Variants in AP3B2 observed in about 807,000 individuals in gnomAD.
AP3B2 encodes AP-3 complex subunit beta-2.
AP3B2 carries 50 observed loss-of-function variants against 126.9 expected under a neutral mutation model. The ratio of observed to expected loss-of-function variants is 0.39; its 90% CI spans 0.31 to 0.50. The LOEUF is 0.50. Among genes scored for constraint, AP3B2 ranks in the 20% least tolerant of loss-of-function variants. The probability of loss-of-function intolerance (pLI) is 0.79; values close to 1 mark genes in which losing one functional copy is unlikely to be tolerated. For missense variants in AP3B2, 1,177 were observed against 1,426.4 expected, an observed-to-expected ratio of 0.83 and a Z score of 2.82; for synonymous variants, 541 against 565.0, an observed-to-expected ratio of 0.96 and a Z score of 0.60.
rs2048319922 is a variant in AP3B2 at position 82,680,543 on chromosome 15, G to A, written c.984C>T (p.Tyr328=). 10 of 1,561,210 alleles carry A rather than the reference G, an allele frequency of 6.4e-6. No individual in the cohort carries two copies. Among genetic ancestry groups the A allele is most frequent in the South Asian group, 3.5e-5 (3 of 86,606 alleles). The change falls in exon 8 of 27, where the codon TAC becomes TAT. Residue 328 remains tyrosine (Y), a synonymous_variant. Coordinates refer to ENST00000535359, the MANE Select transcript of AP3B2 (RefSeq NM_001278512.2). This position sits in a 1 kb window ranked among gnomAD's most constrained non-coding sequence, Gnocchi z 6.1. Reference sequence around the variant, plus strand: ...CTTCCGCCTTGGGCGCCAGGTGGAAGTAGAGCTGCGCCACCGCCATCACCA... The same window carrying A: ...CTTCCGCCTTGGGCGCCAGGTGGAAATAGAGCTGCGCCACCGCCATCACCA... ...AAVVMAVAQL[Y]FHLAPKAEVG...
chr15:82,683,127 C>T (rs374833719), intron 4 of AP3B2, among the ~76,000 whole-genome samples: 10 of 128,376 alleles, frequency 7.8e-5, no homozygotes, highest in East Asian at 5.0e-4. Context: ...GGCGAGATCT[C>T]GGGTCACTGC....
Position 82,689,225 on chromosome 15 carries a change from GC to G in AP3B2, c.196del (p.Ala66ProfsTer14), listed in dbSNP as rs1195470234. 6.2e-7 allele frequency: 1 copy of G among 1,614,024 alleles called. No individual in the cohort carries two copies. On this transcript the variant is annotated frameshift_variant, in exon 3 of 27. Coordinates refer to ENST00000535359, the MANE Select transcript of AP3B2 (RefSeq NM_001278512.2). LOFTEE classifies it high-confidence loss of function. ...CAGGTCTGAAGCATTCTTTCCTCGG[GC>G]AATCATCTGGGTGGTGGGGTCAAGG... ...EAMKRIVAMI[A>X]RGKNASDLFP...
chr15:82,662,065 A>G (rs777679289), intron 24 of AP3B2, 103 bp downstream of exon 24: 12 of 1,324,482 alleles, frequency 9.1e-6, no homozygotes, highest in Admixed American at 2.0e-5. Context: ...GACCCACCCA[A>G]TCATGATGTA....
chr15:82,709,282 C>G (rs2151465830), intron 1 of AP3B2, among the ~76,000 whole-genome samples: 1 of 152,258 alleles, frequency 6.6e-6, no homozygotes, highest in Admixed American at 6.5e-5. Flanking sequence ...GGAAGGGAAC[C>G]CCTAACGCAA....
At chr15:82,705,238 C>T (rs1204263864) in intron 1 of AP3B2, among the ~76,000 whole-genome samples, 1 of 152,124 alleles carries the variant, frequency 6.6e-6, no homozygotes, top group African/African-American at 2.4e-5. Context: ...ATGTCAATAT[C>T]CCATCCCCCA....
At chr15:82,694,469 T>C (rs1292432189) in intron 1 of AP3B2, among the ~76,000 whole-genome samples, 1 of 151,998 alleles carries the variant, frequency 6.6e-6, no homozygotes, top group Non-Finnish European at 1.5e-5. Context: ...AAGGATTGCT[T>C]GAGCTCAGGA....
intron 14 of AP3B2, among the ~76,000 whole-genome samples, chr15:82,668,559 C>T (rs1045023403): frequency 6.6e-6 from 1 of 152,208 alleles, no homozygotes; most frequent in African/African-American, 2.4e-5. Flanking sequence ...CTAGAAAGAA[C>T]TGTTTGGTAT....
At chr15:82,707,398 C>A (rs1295323719) in intron 1 of AP3B2, among the ~76,000 whole-genome samples, 1 of 152,162 alleles carries the variant, frequency 6.6e-6, no homozygotes, top group Non-Finnish European at 1.5e-5. Context: ...TATTAGGCCC[C>A]AGTCTCATTC....
chr15:82,677,616 C>T lies in AP3B2; in HGVS notation c.1378+55G>A, dbSNP rs377256450. The T allele has an allele frequency of 1.5e-5, 23 of 1,485,660 alleles. No homozygotes were observed. The African/African-American group carries it at 2.2e-4, about 14-fold the overall frequency. 92.0% of individuals were successfully genotyped at this position (1,485,660 alleles called of 1,614,324 possible). A position where few individuals can be genotyped will look rare whatever the true frequency, so the allele number is the denominator to read the frequency against. On this transcript the variant is annotated intron_variant, in intron 12 of 26. Coordinates refer to ENST00000535359, the MANE Select transcript of AP3B2 (RefSeq NM_001278512.2). ...ATATCCAGTGGCCAGCAGAGTCAGA[C>T]CTGCAGGCAGACACCCTCTGATCAT... is the stretch of plus-strand genomic sequence containing the variant.
chr15:82,666,880 A>G lies in AP3B2; in HGVS notation c.1719T>C (p.Tyr573=), dbSNP rs553962648. 4 of 1,614,008 alleles carry G rather than the reference A, an allele frequency of 2.5e-6. No individual in the cohort carries two copies. In the African/African-American group the frequency reaches 4.0e-5, roughly 16 times the overall value. ...TGAAGCGCGCCCGGTCGCGAATATC[A>G]TAGTTCTGGTCATATTTGGCCAGAC... ...VLSLAKYDQN[Y]DIRDRARFTR... is the part of the protein sequence containing the mutation. Residue 573 remains tyrosine, a synonymous_variant, in exon 15 of 27, where the codon TAT becomes TAC. Coordinates refer to ENST00000535359, the MANE Select transcript of AP3B2 (RefSeq NM_001278512.2).
chr15:82,662,659 GCCT>G, intron 23 of AP3B2, 32 bp downstream of exon 23: 2 of 1,566,292 alleles, frequency 1.3e-6, no homozygotes, highest in Non-Finnish European at 1.7e-6. Context: ...CTGCCCAGGA[GCCT>G]CCTCCTCCAC....
chr15:82,682,016 G>A (rs1385546022), intron 4 of AP3B2, among the ~76,000 whole-genome samples: 3 of 124,870 alleles, frequency 2.4e-5, no homozygotes, highest in Non-Finnish European at 5.0e-5. Context: ...CTTCCACAGT[G>A]TTTAAAACAA....
At chr15:82,686,550 C>A (rs2048429613) in intron 4 of AP3B2, 1 of 152,154 alleles carries the variant, frequency 6.6e-6, no homozygotes, top group African/African-American at 2.4e-5. Context: ...GAGGCTTTGG[C>A]TATTTGAGAA....
rs765669791 is a variant in AP3B2, at chr15:82,664,844, C to T, written c.2128G>A (p.Ala710Thr). ...SEGESGPTES[A>T]DSDPESESES... ...TCTGCCATCTGCTCACCACTGTCTG[C>T]GGACTCCGTGGGGCCTGACTCCCCC... The change falls in exon 18 of 27, where the codon GCA becomes ACA. Residue 710 changes from alanine (A) to threonine (T), a missense_variant. Ala to Thr is a moderately conservative substitution (Grantham distance 58). Around this residue, in one of 5 missense-constraint regions of AP3B2, gnomAD observed 587 missense variants for 571.3 expected, o/e 1.03. Transcript: ENST00000535359. The surrounding 1 kb of genome is among the most constrained non-coding windows in gnomAD (Gnocchi z 4.5). The T allele has an allele frequency of 1.1e-5, 18 of 1,590,744 alleles. No individual in the cohort carries two copies. Among genetic ancestry groups the T allele is most frequent in the East Asian group, 6.8e-5 (3 of 44,106 alleles).
rs200054813 is a variant in AP3B2, at chr15:82,680,840, C to T, written c.768G>A (p.Gln256=). The stretch of plus-strand genomic sequence containing the variant: ...TGCCTGGGCTGGGCCCACTTACGTT[C>T]TGGGTGGGGCTCAGGAACTGCGTGC... ...YARTQFLSPT[Q]NESLLEENAE... is the part of the protein sequence containing the mutation. Residue 256 remains glutamine (Q), a synonymous_variant, in exon 7 of 27, where the codon CAG becomes CAA. Coordinates refer to ENST00000535359, the MANE Select transcript of AP3B2 (RefSeq NM_001278512.2). The surrounding 1 kb of genome is among the most constrained non-coding windows in gnomAD (Gnocchi z 6.1). The T allele has an allele frequency of 1.8e-4, 285 of 1,613,568 alleles. 1 individual carries two copies. The Admixed American group carries it at 4.4e-3, about 25-fold the overall frequency.
Position 82,665,764 on chromosome 15 carries a change from G to T in AP3B2, c.1853-189C>A, listed in dbSNP as rs190892752. 1.3e-5 allele frequency among the ~76,000 whole-genome samples: 2 copies of T among 152,330 alleles called. No homozygotes were observed. The highest frequency in any genetic ancestry group is 3.9e-4 in the East Asian group (2 of 5,182). ...TTAGGCCCACATGCTGGAAGAAAAG[G>T]CTGTCTGGCCAGGCCAGAGCAGGGA... On this transcript the variant is annotated intron_variant, in intron 15 of 26. Coordinates refer to ENST00000535359, the MANE Select transcript of AP3B2 (RefSeq NM_001278512.2). The surrounding 1 kb of genome is among the most constrained non-coding windows in gnomAD (Gnocchi z 4.4).
At chr15:82,702,733 C>T (rs1341791751) in intron 1 of AP3B2, among the ~76,000 whole-genome samples, 3 of 152,290 alleles carry the variant, frequency 2.0e-5, no homozygotes, top group Non-Finnish European at 1.5e-5. Flanking sequence ...TTATTGCTCA[C>T]ACAAAGCCTG....
In AP3B2 at chr15:82,680,313, G is replaced by A; in HGVS notation, c.1056-84C>T. On this transcript the variant is annotated intron_variant, in intron 8 of 26. Transcript: ENST00000535359. The surrounding 1 kb of genome is among the most constrained non-coding windows in gnomAD (Gnocchi z 6.1). ...ATGAGGGGAAAAGGTGGGGCAAGTC[G>A]TTGCGGGGAGAGGACCAGTGCGGAG... is the stretch of plus-strand genomic sequence containing the variant. 3 of 1,589,022 alleles carry A rather than the reference G, an allele frequency of 1.9e-6. No homozygotes were observed. The highest frequency in any genetic ancestry group is 1.7e-6 in the Non-Finnish European group (2 of 1,165,656).
intron 4 of AP3B2, among the ~76,000 whole-genome samples, chr15:82,684,301 C>G (rs560687672): frequency 6.6e-6 from 1 of 152,368 alleles, no homozygotes; most frequent in African/African-American, 2.4e-5. Context: ...CAACTTGCTG[C>G]AGCTTCTCCA....
Sources: allele counts gnomAD v4.1 joint callset (sites outside exome capture counted in the v4.1 genomes callset), GRCh38; gene constraint gnomAD v4.1.1; regional missense constraint gnomAD v4.1.1; non-coding constraint Gnocchi (gnomAD v3.1); transcripts MANE v1.5; gene names NCBI Gene and HGNC (gene_info 2026-07-23, HGNC 2026-07-21).